The following PLCXD2 variants were observed in gnomAD, a reference collection of about 807,000 sequenced individuals.
PLCXD2 encodes PI-PLC X domain-containing protein 2.
A neutral mutation model predicts 28.6 loss-of-function variants in PLCXD2; 21 were observed. That is an observed-to-expected ratio of 0.73 (90% CI 0.52 to 1.06). The LOEUF (loss-of-function observed/expected upper bound fraction) is 1.06, where lower values mean the gene tolerates loss of function less well. Ranked by LOEUF, PLCXD2 falls within the 50% of genes least tolerant of loss-of-function variation. PLCXD2 has a pLI of 0.00. For missense variants in PLCXD2, 369 were observed against 376.7 expected, an observed-to-expected ratio of 0.98 and a Z score of 0.17; for synonymous variants, 140 against 150.1, an observed-to-expected ratio of 0.93 and a Z score of 0.49.
chr3:111,677,150 GAAA>G (rs140593925), intron 1 of PLCXD2: 1 of 150,126 alleles, frequency 6.7e-6, no homozygotes, highest in African/African-American at 2.4e-5. Context: ...TAAGGAAAAA[GAAA>G]AAAAAATGGC....
At chr3:111,691,728 T>G (rs1238036891) in intron 1 of PLCXD2, among the ~76,000 whole-genome samples, 1 of 152,240 alleles carries the variant, frequency 6.6e-6, no homozygotes, top group East Asian at 1.9e-4. Flanking sequence ...CACTGAGGTC[T>G]GACAGACCTG....
intron 1 of PLCXD2, among the ~76,000 whole-genome samples, chr3:111,700,575 C>T (rs1006326425): frequency 1.3e-5 from 2 of 151,904 alleles, no homozygotes; most frequent in African/African-American, 4.8e-5. Context: ...GATCATATTG[C>T]TTCTCCTCTA....
At chr3:111,701,892 G>A (rs1177990012) in intron 1 of PLCXD2, among the ~76,000 whole-genome samples, 1 of 152,094 alleles carries the variant, frequency 6.6e-6, no homozygotes, top group African/African-American at 2.4e-5. Context: ...AAATTCAGGA[G>A]AGGCACTTTG....
intron 1 of PLCXD2, among the ~76,000 whole-genome samples, chr3:111,695,243 T>G (rs1032856658): frequency 1.3e-5 from 2 of 150,928 alleles, no homozygotes; most frequent in Admixed American, 1.3e-4. Flanking sequence ...TCTCCATAAA[T>G]CAAATCATAA....
chr3:111,687,892 C>T (rs780516888), intron 1 of PLCXD2, among the ~76,000 whole-genome samples: 39 of 152,086 alleles, frequency 2.6e-4, no homozygotes, highest in Non-Finnish European at 8.8e-5. Flanking sequence ...AGGCTGGTCT[C>T]AAACTCCTGA....
intron 3 of PLCXD2, among the ~76,000 whole-genome samples, chr3:111,717,369 A>G (rs1466579321): frequency 6.6e-6 from 1 of 152,106 alleles, no homozygotes; most frequent in Non-Finnish European, 1.5e-5. Flanking sequence ...TCTGCCATCC[A>G]TGGGAACTGT....
intron 1 of PLCXD2, among the ~76,000 whole-genome samples, chr3:111,675,870 A>G (rs1940613335): frequency 6.6e-6 from 1 of 152,268 alleles, no homozygotes; most frequent in South Asian, 2.1e-4. Flanking sequence ...ATGGATAAGC[A>G]TTAGAGAATA....
chr3:111,685,251 T>G (rs1576453957), intron 1 of PLCXD2, among the ~76,000 whole-genome samples: 3 of 152,342 alleles, frequency 2.0e-5, no homozygotes, highest in East Asian at 3.9e-4. Context: ...GATTATATAT[T>G]TTAGATTTGA....
chr3:111,715,519 C>G (rs1443576459), intron 3 of PLCXD2, among the ~76,000 whole-genome samples: 1 of 152,134 alleles, frequency 6.6e-6, no homozygotes, highest in Non-Finnish European at 1.5e-5. Context: ...GTGCAGACAG[C>G]CATACTAATA....
At chr3:111,694,476 T>C (rs1017002007) in intron 1 of PLCXD2, among the ~76,000 whole-genome samples, 4 of 152,166 alleles carry the variant, frequency 2.6e-5, no homozygotes, top group Non-Finnish European at 5.9e-5. Context: ...GAGAGCTTTT[T>C]TTTTTTTTAA....
chr3:111,723,149 G>T (rs1238626730), intron 3 of PLCXD2: 1 of 152,000 alleles, frequency 6.6e-6, no homozygotes, highest in African/African-American at 2.4e-5. Context: ...AATTGCTAGG[G>T]GCTAGATCAT....
In PLCXD2 at chr3:111,714,117, G is replaced by A. The variant is rs368732888; in HGVS notation, c.855G>A (p.Thr285=). ...GCTTGGTTGGGGGCCTCAAGAACAC[G>A]CTGGTTCATAGGTAAGAATTTGCTT... The change falls in exon 3 of 5, where the codon ACG becomes ACA. Residue 285 remains threonine, a synonymous_variant. Coordinates refer to ENST00000477665, the MANE Select transcript of PLCXD2 (RefSeq NM_001185106.1). 5.6e-5 allele frequency: 90 copies of A among 1,613,802 alleles called. No individual in the cohort carries two copies. The highest frequency in any genetic ancestry group is 7.0e-5 in the Non-Finnish European group (83 of 1,179,950).
At chr3:111,678,997 C>T (rs1940670084) in intron 1 of PLCXD2, among the ~76,000 whole-genome samples, 1 of 152,078 alleles carries the variant, frequency 6.6e-6, no homozygotes, top group Non-Finnish European at 1.5e-5. Context: ...TTTACCTCAT[C>T]AGACCCTAAG....
intron 3 of PLCXD2, among the ~76,000 whole-genome samples, chr3:111,714,918 C>G (rs780517637): frequency 1.3e-5 from 2 of 152,162 alleles, no homozygotes; most frequent in Non-Finnish European, 2.9e-5. Context: ...GAAGCTAATA[C>G]GTTTGGGTAG....
chr3:111,705,915 C>G (rs531597153), intron 1 of PLCXD2, among the ~76,000 whole-genome samples: 1 of 150,306 alleles, frequency 6.7e-6, no homozygotes, highest in Admixed American at 6.6e-5. Context: ...TGCCGTGGTA[C>G]GATGTTTGTC....
chr3:111,707,091 T>G (rs1165862711), intron 1 of PLCXD2, among the ~76,000 whole-genome samples: 1 of 152,156 alleles, frequency 6.6e-6, no homozygotes, highest in Non-Finnish European at 1.5e-5. Context: ...TAACAGACAT[T>G]TACAAAACAT....
chr3:111,687,370 AATAAG>A (rs1215661855), intron 1 of PLCXD2, among the ~76,000 whole-genome samples: 1 of 152,216 alleles, frequency 6.6e-6, no homozygotes, highest in Non-Finnish European at 1.5e-5. Flanking sequence ...GGCAAGGGAC[AATAAG>A]ATTGTCCCCA....
intron 1 of PLCXD2, among the ~76,000 whole-genome samples, chr3:111,681,606 G>A (rs1372765386): frequency 2.0e-5 from 3 of 152,032 alleles, no homozygotes; most frequent in African/African-American, 7.2e-5. Context: ...ACACACACAT[G>A]CACAGATACT....
At chr3:111,676,491 G>T (rs767392602) in intron 1 of PLCXD2, among the ~76,000 whole-genome samples, 2 of 152,134 alleles carry the variant, frequency 1.3e-5, no homozygotes, top group African/African-American at 4.8e-5. Flanking sequence ...TCAAATGCAG[G>T]CTTTTCTTTA....
Sources: gnomAD v4.1 joint callset for allele counts (sites outside exome capture counted in the v4.1 genomes callset) on GRCh38, gnomAD v4.1.1 for gene constraint, MANE v1.5 for transcripts, NCBI Gene and HGNC (gene_info 2026-07-23, HGNC 2026-07-21) for gene names.